Variants in KCNH8 observed in about 807,000 individuals in gnomAD.
KCNH8 encodes the protein potassium voltage-gated channel subfamily H member 8.
In KCNH8, 70 loss-of-function variants were observed where a neutral mutation model predicts 103.6. That is an observed-to-expected ratio of 0.68 (90% CI 0.56 to 0.82). KCNH8 has a LOEUF of 0.82. Among genes scored for constraint, KCNH8 ranks in the 40% least tolerant of loss-of-function variants. The pLI, the probability that KCNH8 is intolerant of heterozygous loss-of-function variation, is 0.00. For synonymous variants in KCNH8, 498 were observed against 489.4 expected (o/e 1.02, Z -0.23); for missense variants, 1,217 against 1,329.9 (o/e 0.92, Z 1.32).
chr3:19,443,751 T>C (rs546610955), intron 8 of KCNH8, among the ~76,000 whole-genome samples: 146 of 151,932 alleles, frequency 9.6e-4, no homozygotes, highest in African/African-American at 3.3e-3. Flanking sequence ...AAAAAATCAA[T>C]TGCATTTCTA....
chr3:19,192,567 C>T (rs2063563330), intron 1 of KCNH8, among the ~76,000 whole-genome samples: 1 of 151,594 alleles, frequency 6.6e-6, no homozygotes, highest in African/African-American at 2.4e-5. Context: ...ATTACCAGTG[C>T]TCTTTTGTAT....
At chr3:19,515,480 G>T in intron 14 of KCNH8, 52 bp downstream of exon 14, 5 of 907,436 alleles carry the variant, frequency 5.5e-6, no homozygotes, top group Admixed American at 4.0e-5. Flanking sequence ...TTATTAACTT[G>T]TAATGTTTGT....
chr3:19,476,968 A>G (rs2067989123), intron 11 of KCNH8, among the ~76,000 whole-genome samples: 1 of 152,152 alleles, frequency 6.6e-6, no homozygotes. Context: ...ATTCACACCC[A>G]TGAACAGTTT....
At chr3:19,295,258 C>T (rs1469638616) in intron 3 of KCNH8, among the ~76,000 whole-genome samples, 1 of 151,872 alleles carries the variant, frequency 6.6e-6, no homozygotes, top group East Asian at 1.9e-4. Context: ...GCGGTTCATA[C>T]CTGTGGTCCC....
At chr3:19,260,505 T>G (rs1489260713) in intron 2 of KCNH8, among the ~76,000 whole-genome samples, 1 of 114,072 alleles carries the variant, frequency 8.8e-6, no homozygotes, top group Non-Finnish European at 1.8e-5. Flanking sequence ...TATATATATA[T>G]ATATATATAT....
At chr3:19,292,970 A>G (rs1446710702) in intron 3 of KCNH8, among the ~76,000 whole-genome samples, 1 of 152,176 alleles carries the variant, frequency 6.6e-6, no homozygotes, top group Admixed American at 6.5e-5. Flanking sequence ...CCAATAAATC[A>G]AGGTTTGGGT....
intron 2 of KCNH8, among the ~76,000 whole-genome samples, chr3:19,269,595 C>T (rs1349325631): frequency 1.3e-5 from 2 of 152,032 alleles, no homozygotes; most frequent in Non-Finnish European, 2.9e-5. Flanking sequence ...ACATTTCTCA[C>T]GTTTTTAACT....
At chr3:19,170,804 ATATATAT>A (rs2063340160) in intron 1 of KCNH8, among the ~76,000 whole-genome samples, 1 of 103,364 alleles carries the variant, frequency 9.7e-6, no homozygotes, top group South Asian at 3.0e-4. Context: ...ATATATATAT[ATATATAT>A]TTTTTTTTTT....
intron 1 of KCNH8, among the ~76,000 whole-genome samples, chr3:19,219,124 G>T (rs2063845897): frequency 6.6e-6 from 1 of 152,046 alleles, no homozygotes; most frequent in South Asian, 2.1e-4. Context: ...TGAATGTGCT[G>T]CTGCCCTAAA....
intron 1 of KCNH8, among the ~76,000 whole-genome samples, chr3:19,239,376 C>T (rs977337740): frequency 2.6e-4 from 40 of 151,956 alleles, no homozygotes; most frequent in Admixed American, 2.0e-3. Flanking sequence ...CATAATGGCC[C>T]GGATGGTGAG....
At chr3:19,293,169 G>A (rs1166022266) in intron 3 of KCNH8, among the ~76,000 whole-genome samples, 2 of 152,158 alleles carry the variant, frequency 1.3e-5, no homozygotes, top group Admixed American at 1.3e-4. Context: ...AAAGTGAACT[G>A]CCCAATGCCT....
intron 2 of KCNH8, among the ~76,000 whole-genome samples, chr3:19,275,869 GC>G (rs2064662851): frequency 1.3e-5 from 2 of 152,086 alleles, no homozygotes; most frequent in Non-Finnish European, 1.5e-5. Context: ...ACAGTGAAAA[GC>G]CGTCAGGTGT....
At chr3:19,295,558 G>A (rs913006210) in intron 3 of KCNH8, among the ~76,000 whole-genome samples, 11 of 152,022 alleles carry the variant, frequency 7.2e-5, no homozygotes, top group Non-Finnish European at 1.5e-4. Context: ...CCCAGTTTGG[G>A]GATTACAGCT....
intron 2 of KCNH8, among the ~76,000 whole-genome samples, chr3:19,273,521 C>T (rs1386764907): frequency 6.6e-6 from 1 of 152,174 alleles, no homozygotes; most frequent in Non-Finnish European, 1.5e-5. Flanking sequence ...TATTTTCAGT[C>T]TTAGCAGATG....
At chr3:19,227,833 A>G (rs192228627) in intron 1 of KCNH8, among the ~76,000 whole-genome samples, 2 of 152,320 alleles carry the variant, frequency 1.3e-5, no homozygotes, top group East Asian at 1.9e-4. Context: ...TCTGACTTCA[A>G]GGATCTTGTG....
At chr3:19,523,304 TA>T (rs1354985354) in intron 15 of KCNH8, among the ~76,000 whole-genome samples, 1 of 152,114 alleles carries the variant, frequency 6.6e-6, no homozygotes, top group East Asian at 1.9e-4. Context: ...TAGAGAAAAT[TA>T]TTTTATATCA....
intron 11 of KCNH8, among the ~76,000 whole-genome samples, chr3:19,459,937 G>A (rs993029965): frequency 6.6e-6 from 1 of 151,376 alleles, no homozygotes; most frequent in African/African-American, 2.4e-5. Flanking sequence ...TCCATTGTCT[G>A]TTATTTTTCT....
At chr3:19,184,870 A>G (rs2063487991) in intron 1 of KCNH8, among the ~76,000 whole-genome samples, 1 of 152,020 alleles carries the variant, frequency 6.6e-6, no homozygotes, top group South Asian at 2.1e-4. Context: ...ATACAGAATC[A>G]TACAATATGT....
chr3:19,322,865 C>T (rs545111003), intron 3 of KCNH8, among the ~76,000 whole-genome samples: 3 of 152,288 alleles, frequency 2.0e-5, no homozygotes, highest in Admixed American at 2.0e-4. Context: ...TCCCAAACTT[C>T]TTGGGGGCTT....
Sources: allele counts gnomAD v4.1 joint callset (sites outside exome capture counted in the v4.1 genomes callset), GRCh38; gene constraint gnomAD v4.1.1; transcripts MANE v1.5; gene names NCBI Gene and HGNC (gene_info 2026-07-23, HGNC 2026-07-21).